The following EFNA5 variants were observed in gnomAD, a reference collection of about 807,000 sequenced individuals.
The protein encoded by EFNA5 is ephrin A5, also known as ephrin-A5.
In EFNA5, 5 loss-of-function variants were observed where a neutral mutation model predicts 22.9. The ratio of observed to expected loss-of-function variants is 0.22; its 90% CI spans 0.11 to 0.46. The LOEUF (loss-of-function observed/expected upper bound fraction) is 0.46, where lower values mean the gene tolerates loss of function less well. Ranked by LOEUF, EFNA5 falls within the 20% of genes least tolerant of loss-of-function variation. EFNA5 has a pLI of 0.99. For synonymous variants in EFNA5, 113 were observed against 112.2 expected (o/e 1.01, Z -0.04); for missense variants, 237 against 293.3 (o/e 0.81, Z 1.40).
chr5:107,518,165 A>G (rs1442144330), intron 1 of EFNA5, among the ~76,000 whole-genome samples: 1 of 152,054 alleles, frequency 6.6e-6, no homozygotes, highest in Non-Finnish European at 1.5e-5. Flanking sequence ...GACATATTCT[A>G]TTTAGAAAAT....
intron 2 of EFNA5, among the ~76,000 whole-genome samples, chr5:107,414,078 C>T (rs1163901663): frequency 6.6e-6 from 1 of 152,136 alleles, no homozygotes; most frequent in African/African-American, 2.4e-5. Flanking sequence ...AGCCAATGTT[C>T]TCGAAGTGTG....
At chr5:107,527,706 G>C (rs867627228) in intron 1 of EFNA5, among the ~76,000 whole-genome samples, 1 of 152,132 alleles carries the variant, frequency 6.6e-6, no homozygotes, top group Non-Finnish European at 1.5e-5. Context: ...TTTCAGAGTA[G>C]TCTCATGCAC....
intron 2 of EFNA5, among the ~76,000 whole-genome samples, chr5:107,404,116 A>C (rs1488005093): frequency 1.3e-5 from 2 of 152,242 alleles, no homozygotes; most frequent in Non-Finnish European, 2.9e-5. Flanking sequence ...AGTTTGAGAT[A>C]ATTTACTATT....
intron 1 of EFNA5, among the ~76,000 whole-genome samples, chr5:107,552,947 G>A (rs1654601699): frequency 6.6e-6 from 1 of 152,058 alleles, no homozygotes; most frequent in Non-Finnish European, 1.5e-5. Context: ...TAGTTTTAGG[G>A]GTAAACAAGA....
chr5:107,447,277 T>A (rs1749422819), intron 1 of EFNA5, among the ~76,000 whole-genome samples: 1 of 152,052 alleles, frequency 6.6e-6, no homozygotes, highest in Non-Finnish European at 1.5e-5. Flanking sequence ...CTAAATGATG[T>A]TTCTCTACAG....
chr5:107,534,731 G>A, intron 1 of EFNA5, among the ~76,000 whole-genome samples: 1 of 152,154 alleles, frequency 6.6e-6, no homozygotes, highest in East Asian at 1.9e-4. Context: ...GCACTGAATT[G>A]GGGTGAAATG....
At chr5:107,384,956 A>G (rs61483329) in intron 4 of EFNA5, among the ~76,000 whole-genome samples, 1,923 of 151,758 alleles carry the variant, frequency 0.013, 24 homozygotes, top group Admixed American at 0.017. Flanking sequence ...ATTGCCAGGA[A>G]TTGTGGTTCA....
intron 1 of EFNA5, among the ~76,000 whole-genome samples, chr5:107,619,281 A>G (rs1412489843): frequency 6.6e-6 from 1 of 152,096 alleles, no homozygotes; most frequent in Non-Finnish European, 1.5e-5. Flanking sequence ...CAGCATTGAG[A>G]GAAACTGTTG....
intron 1 of EFNA5, among the ~76,000 whole-genome samples, chr5:107,527,932 C>G (rs896761241): frequency 6.6e-6 from 1 of 152,158 alleles, no homozygotes; most frequent in Non-Finnish European, 1.5e-5. Context: ...CTTTCTCCCC[C>G]AGAAATAGAA....
intron 1 of EFNA5, among the ~76,000 whole-genome samples, chr5:107,657,007 A>G (rs1431915908): frequency 6.6e-6 from 1 of 152,130 alleles, no homozygotes; most frequent in Non-Finnish European, 1.5e-5. Flanking sequence ...CAAAACAAAA[A>G]AGTACATAAA....
intron 2 of EFNA5, among the ~76,000 whole-genome samples, chr5:107,419,090 C>CAGGTCTA (rs1343427481): frequency 5.3e-5 from 8 of 152,218 alleles, no homozygotes; most frequent in Admixed American, 5.2e-4. Flanking sequence ...GGCAGAGGTA[C>CAGGTCTA]AGGTCTAGCT....
intron 1 of EFNA5, among the ~76,000 whole-genome samples, chr5:107,469,733 T>G (rs1305307325): frequency 6.6e-6 from 1 of 152,160 alleles, no homozygotes; most frequent in African/African-American, 2.4e-5. Flanking sequence ...AGTGAATGAC[T>G]GTGCATTGTG....
At chr5:107,584,277 T>C (rs753686494) in intron 1 of EFNA5, among the ~76,000 whole-genome samples, 3 of 152,140 alleles carry the variant, frequency 2.0e-5, no homozygotes, top group Non-Finnish European at 4.4e-5. Context: ...CAAACTTTCA[T>C]GGTGACTGGG....
At chr5:107,617,075 GCC>G (rs1419769604) in intron 1 of EFNA5, among the ~76,000 whole-genome samples, 2 of 151,960 alleles carry the variant, frequency 1.3e-5, no homozygotes, top group Non-Finnish European at 2.9e-5. Context: ...AAAGGCTTTT[GCC>G]CACTGCATAT....
At chr5:107,443,053 G>T (rs1201424980) in intron 1 of EFNA5, among the ~76,000 whole-genome samples, 1 of 144,154 alleles carries the variant, frequency 6.9e-6, no homozygotes, top group Non-Finnish European at 1.5e-5. Context: ...CTGGGGTACA[G>T]GTTTCTCCCT....
At chr5:107,592,697 C>T (rs1448801952) in intron 1 of EFNA5, among the ~76,000 whole-genome samples, 2 of 152,086 alleles carry the variant, frequency 1.3e-5, no homozygotes, top group African/African-American at 4.8e-5. Flanking sequence ...GATCCTGGAG[C>T]TGGAATAGGA....
chr5:107,381,395 C>G lies in EFNA5; in HGVS notation c.566-19G>C, dbSNP rs965054002. On this transcript the variant is annotated intron_variant, in intron 4 of 4. Transcript: ENST00000333274. ...GTGTCATCTGTTCAAATAGAAAGCA[C>G]ACATTCCAATGAGATTTCACATCCT... 6.3e-7 allele frequency: 1 copy of G among 1,594,974 alleles called. No homozygotes were observed. Among genetic ancestry groups the G allele is most frequent in the African/African-American group, 1.3e-5 (1 of 74,742 alleles).
chr5:107,600,864 C>A (rs939357459), intron 1 of EFNA5, among the ~76,000 whole-genome samples: 1 of 151,956 alleles, frequency 6.6e-6, no homozygotes, highest in African/African-American at 2.4e-5. Context: ...GACCTCACCC[C>A]GTGAAAAGCT....
intron 1 of EFNA5, among the ~76,000 whole-genome samples, chr5:107,435,315 C>CT (rs3999107): frequency 0.065 from 6,746 of 104,432 alleles, 237 homozygotes; most frequent in African/African-American, 0.097. Context: ...TGAAGATGCT[C>CT]TTTTTTTTTT....
Sources: allele counts gnomAD v4.1 joint callset (sites outside exome capture counted in the v4.1 genomes callset), GRCh38; gene constraint gnomAD v4.1.1; transcripts MANE v1.5; gene names NCBI Gene and HGNC (gene_info 2026-07-23, HGNC 2026-07-21).